The following OTUD7A variants were observed in gnomAD, a reference collection of about 807,000 sequenced individuals.
The protein encoded by OTUD7A is OTU domain-containing protein 7A.
In OTUD7A, 12 loss-of-function variants were observed where a neutral mutation model predicts 65.7. The ratio of observed to expected loss-of-function variants is 0.18; its 90% CI spans 0.12 to 0.30. The LOEUF is 0.30. Among genes scored for constraint, OTUD7A ranks in the 10% least tolerant of loss-of-function variants. The probability of loss-of-function intolerance (pLI) is 1.00; values close to 1 mark genes in which losing one functional copy is unlikely to be tolerated. For synonymous variants in OTUD7A, 641 were observed against 586.3 expected (o/e 1.09, Z -1.35); for missense variants, 1,148 against 1,304.8 (o/e 0.88, Z 1.85).
Position 31,483,516 on chromosome 15 carries a change from G to C in OTUD7A, c.2580C>G (p.Asn860Lys). The change falls in exon 13 of 13, where the codon AAC becomes AAG. Residue 860 changes from asparagine to lysine, a missense_variant. By Grantham distance (94) the Asn-to-Lys change is moderately conservative (BLOSUM62 0). Transcript: ENST00000307050. ...AAEHKSQTYT[N>K]GFGALRDGLE... ...GGCCGTCGCGCAGGGCGCCGAAGCCGTTGGTGTAGGTCTGCGACTTGTGCT... is the reference window on the plus strand; with the variant it reads ...GGCCGTCGCGCAGGGCGCCGAAGCCCTTGGTGTAGGTCTGCGACTTGTGCT... 1 of 1,394,854 alleles carries C rather than the reference G, an allele frequency of 7.2e-7. No homozygotes were observed. The highest frequency in any genetic ancestry group is 3.4e-5 in the East Asian group (1 of 29,210). The allele number at this position is 1,394,854 out of a possible 1,614,324, so 86.4% of individuals were successfully genotyped here. A position where few individuals can be genotyped will look rare whatever the true frequency, so the allele number is the denominator to read the frequency against.
At chr15:31,529,823 C>T (rs1481105230) in intron 6 of OTUD7A, among the ~76,000 whole-genome samples, 1 of 152,150 alleles carries the variant, frequency 6.6e-6, no homozygotes, top group Non-Finnish European at 1.5e-5. Flanking sequence ...GTTGGGGATG[C>T]AAGTTTGACA....
At chr15:31,802,316 T>C (rs1328991255) in intron 1 of OTUD7A, among the ~76,000 whole-genome samples, 2 of 152,104 alleles carry the variant, frequency 1.3e-5, no homozygotes, top group African/African-American at 4.8e-5. Context: ...GAGAAAGATG[T>C]AGGCTGGGAG....
Position 31,484,747 on chromosome 15 carries a change from A to T in OTUD7A, c.1372-23T>A. 1 of 1,586,522 alleles carries T rather than the reference A, an allele frequency of 6.3e-7. No homozygotes were observed. Among genetic ancestry groups the T allele is most frequent in the Non-Finnish European group, 8.5e-7 (1 of 1,173,276 alleles). ...CGCCTGTGTGGAGAGGGAGGGCCGG[A>T]TCGAAGGTGGTTAGAGAAGAGCTGT... On this transcript the variant is annotated intron_variant, in intron 12 of 12. Transcript: ENST00000307050. This position sits in a 1 kb window ranked among gnomAD's most constrained non-coding sequence, Gnocchi z 4.5.
Position 31,637,947 on chromosome 15 carries a change from T to G in OTUD7A, c.151+17149A>C, listed in dbSNP as rs1293327497. Among the ~76,000 whole-genome samples, 3 of 152,208 alleles carry G rather than the reference T, an allele frequency of 2.0e-5. No homozygotes were observed. In the East Asian group the frequency reaches 5.8e-4, roughly 29 times the overall value. ...CTCCTGGTAAAGATGCTGTGAACAC[T>G]GCTGAAATGACAAAAAGGATTTAGA... On this transcript the variant is annotated intron_variant, in intron 3 of 12. Transcript: ENST00000307050.
chr15:31,476,829 C>G lies in OTUD7A; in HGVS notation c.*6465G>C, dbSNP rs1187871299. Reference sequence around the variant, plus strand: ...TTGTAACAGTATTTTGCCAACAACTCTTAGAAGAAAACGCATTTGGCCAAA... The same window carrying G: ...TTGTAACAGTATTTTGCCAACAACTGTTAGAAGAAAACGCATTTGGCCAAA... On this transcript the variant is annotated 3_prime_UTR_variant, in exon 13 of 13. Coordinates refer to ENST00000307050, the MANE Select transcript of OTUD7A (RefSeq NM_001382637.1). 2.0e-5 allele frequency: 3 copies of G among 152,284 alleles called. No homozygotes were observed. Among genetic ancestry groups the G allele is most frequent in the Non-Finnish European group, 4.4e-5 (3 of 68,056 alleles). 9.4% of individuals were successfully genotyped at this position (152,284 alleles called of 1,614,324 possible).
Position 31,605,299 on chromosome 15 carries a change from G to A in OTUD7A, c.152-35102C>T, listed in dbSNP as rs552911130. On this transcript the variant is annotated intron_variant, in intron 3 of 12. Coordinates refer to ENST00000307050, the MANE Select transcript of OTUD7A (RefSeq NM_001382637.1). ...CTCCATCATTCTGGCTCCCTCTATC[G>A]CAGCCACAGACATCAAGGACCCTGC... is the stretch of plus-strand genomic sequence containing the variant. Among the ~76,000 whole-genome samples, 13 of 152,188 alleles carry A rather than the reference G, an allele frequency of 8.5e-5. No homozygotes were observed. In the South Asian group the frequency reaches 1.2e-3, roughly 15 times the overall value.
chr15:31,699,243 C>A lies in OTUD7A; in HGVS notation c.-99-42166G>T, dbSNP rs186486504. On this transcript the variant is annotated intron_variant, in intron 1 of 12. Coordinates refer to ENST00000307050, the MANE Select transcript of OTUD7A (RefSeq NM_001382637.1). ...TACAGGCGCCCGCCACCACGCCCGG[C>A]TAATTTTTTGTAGTTTTAGTAGAGA... is the stretch of plus-strand genomic sequence containing the variant. Among the ~76,000 whole-genome samples the A allele has an allele frequency of 3.1e-3, 471 of 152,114 alleles. 3 individuals are homozygous for A. The highest frequency in any genetic ancestry group is 5.4e-3 in the Non-Finnish European group (369 of 67,998).
chr15:31,539,363 C>A (rs1239910419), intron 5 of OTUD7A, among the ~76,000 whole-genome samples: 2 of 94,260 alleles, frequency 2.1e-5, no homozygotes, highest in East Asian at 5.8e-4. Context: ...GGAGAGTAAC[C>A]CAGGGTCATA....
intron 1 of OTUD7A, among the ~76,000 whole-genome samples, chr15:31,845,995 G>A (rs897958568): frequency 1.3e-5 from 2 of 152,196 alleles, no homozygotes; most frequent in Non-Finnish European, 2.9e-5. Context: ...GGACTCAGCT[G>A]TTCCAGGGGC....
At chr15:31,632,944 T>C (rs572122510) in intron 3 of OTUD7A, among the ~76,000 whole-genome samples, 1 of 152,238 alleles carries the variant, frequency 6.6e-6, no homozygotes, top group Non-Finnish European at 1.5e-5. Flanking sequence ...TATAATCTCC[T>C]GGTGTGCCGT....
At position 31,753,684 on chromosome 15, in the gene OTUD7A, GAGAT is replaced by G. The variant is rs1481872329; in HGVS notation, c.-99-96611_-99-96608del. 2.7e-3 allele frequency among the ~76,000 whole-genome samples: 165 copies of G among 61,136 alleles called. 6 individuals are homozygous for G. The highest frequency in any genetic ancestry group is 0.013 in the African/African-American group (159 of 12,626). The allele number at this position is 61,136 out of a possible 152,430, so 40.1% of individuals were successfully genotyped here. A position where few individuals can be genotyped will look rare whatever the true frequency, so the allele number is the denominator to read the frequency against. On this transcript the variant is annotated intron_variant, in intron 1 of 12. Transcript: ENST00000307050. ...CATCATATATATATATATAACCTGT[GAGAT>G]ATATATATATATATTATATATATAT... is the stretch of plus-strand genomic sequence containing the variant.
At chr15:31,579,496 T>A (rs1889306167) in intron 3 of OTUD7A, among the ~76,000 whole-genome samples, 1 of 152,170 alleles carries the variant, frequency 6.6e-6, no homozygotes, top group African/African-American at 2.4e-5. Context: ...GGTGACATGT[T>A]CAGCCTGGAC....
At chr15:31,548,187 C>T (rs1888196451) in intron 5 of OTUD7A, among the ~76,000 whole-genome samples, 1 of 144,080 alleles carries the variant, frequency 6.9e-6, no homozygotes, top group Admixed American at 7.0e-5. Flanking sequence ...GATTTGTGGG[C>T]CTCCCGGGCC....
rs1043731111 is a variant in OTUD7A at position 31,477,598 on chromosome 15, C to T, written c.*5696G>A. 6.6e-6 allele frequency: 1 copy of T among 152,154 alleles called. No homozygotes were observed. Among genetic ancestry groups the T allele is most frequent in the African/African-American group, 2.4e-5 (1 of 41,448 alleles). The allele number at this position is 152,154 out of a possible 1,614,324, so 9.4% of individuals were successfully genotyped here. A position where few individuals can be genotyped will look rare whatever the true frequency, so the allele number is the denominator to read the frequency against. On this transcript the variant is annotated 3_prime_UTR_variant, in exon 13 of 13. Transcript: ENST00000307050. ...GCTAAAGTTCTCACAATAATAGAAC[C>T]TAGATTTGATGAAAGCTGAAATTGA...
chr15:31,699,225 G>A (rs1303136830), intron 1 of OTUD7A, among the ~76,000 whole-genome samples: 4 of 151,686 alleles, frequency 2.6e-5, no homozygotes, highest in Admixed American at 6.6e-5. Flanking sequence ...GACTACAGGC[G>A]CCCGCCACCA....
chr15:31,551,084 A>G (rs981659394), intron 5 of OTUD7A, among the ~76,000 whole-genome samples: 3 of 152,004 alleles, frequency 2.0e-5, no homozygotes, highest in African/African-American at 7.3e-5. Flanking sequence ...GTTTGATGTA[A>G]GCCAGCTTCT....
At chr15:31,748,816 A>T (rs1444191343) in intron 1 of OTUD7A, among the ~76,000 whole-genome samples, 1 of 152,194 alleles carries the variant, frequency 6.6e-6, no homozygotes, top group Non-Finnish European at 1.5e-5. Flanking sequence ...CCTTTGCGTC[A>T]ATATATCACA....
chr15:31,711,001 C>A (rs1161539056), intron 1 of OTUD7A, among the ~76,000 whole-genome samples: 1 of 151,778 alleles, frequency 6.6e-6, no homozygotes. Flanking sequence ...GAACACTCAC[C>A]TGAGGAGCAT....
intron 10 of OTUD7A, 53 bp downstream of exon 10, chr15:31,501,637 G>A: frequency 1.2e-6 from 2 of 1,609,378 alleles, no homozygotes; most frequent in South Asian, 1.1e-5. Context: ...CCTTCTGATG[G>A]CTCTGCCCCC....
Sources: gnomAD v4.1 joint callset for allele counts (sites outside exome capture counted in the v4.1 genomes callset) on GRCh38, gnomAD v4.1.1 for gene constraint, Gnocchi (gnomAD v3.1) non-coding constraint, MANE v1.5 for transcripts, NCBI Gene and HGNC (gene_info 2026-07-23, HGNC 2026-07-21) for gene names.